TMEM230: variants seen among roughly 807,000 people sequenced by gnomAD.
TMEM230 encodes UPF0414 transmembrane protein C20orf30.
Under a neutral mutation model 15.8 loss-of-function variants are expected in TMEM230, and 10 were observed. The observed-to-expected ratio is 0.63, with a 90% CI of 0.39 to 1.07. TMEM230 has a LOEUF of 1.07. TMEM230 is among the 50% of genes least tolerant of loss of function. TMEM230 has a pLI of 0.01. For missense variants in TMEM230, 165 were observed against 193.3 expected (o/e 0.85, Z 0.87); for synonymous variants, 67 against 76.9 (o/e 0.87, Z 0.68).
At chr20:5,065,476 G>C (rs1187433900), downstream of TMEM230, among the ~76,000 whole-genome samples, 1 of 152,174 alleles carries the variant, frequency 6.6e-6, no homozygotes, top group Non-Finnish European at 1.5e-5. Flanking sequence ...AATGGTCCTT[G>C]TTGTTATGGG....
Position 5,090,863 on chromosome 20 carries a change from T to C in TMEM230, c.222+15325A>G, listed in dbSNP as rs191517683. Among the ~76,000 whole-genome samples, 17 of 152,236 alleles carry C rather than the reference T, an allele frequency of 1.1e-4. No individual in the cohort carries two copies. The East Asian group carries it at 3.1e-3, about 28-fold the overall frequency. On this transcript the variant is annotated intron_variant, in intron 3 of 3. Transcript: ENST00000612323. Reference sequence around the variant, plus strand: ...ATTGATAAGGCCTAATACTGAACAATTGTGAAATGGTAATAAAAATATTTC... The same window carrying C: ...ATTGATAAGGCCTAATACTGAACAACTGTGAAATGGTAATAAAAATATTTC...
chr20:5,079,727 A>G (rs1332129095), intron 3 of TMEM230, among the ~76,000 whole-genome samples: 8 of 151,472 alleles, frequency 5.3e-5, no homozygotes, highest in Non-Finnish European at 1.2e-4. Context: ...AAAAAAGAAG[A>G]AAAAAAAATT....
downstream of TMEM230, among the ~76,000 whole-genome samples, chr20:5,099,132 A>G (rs1175314661): frequency 4.6e-5 from 7 of 152,084 alleles, no homozygotes; most frequent in Admixed American, 4.6e-4. Flanking sequence ...TCAAGGCTGC[A>G]GTGAGAAATG....
At chr20:5,106,158 C>T (rs2090080899) in intron 4 of TMEM230, 30 bp downstream of exon 3, 1 of 1,597,826 alleles carries the variant, frequency 6.3e-7, no homozygotes, top group Admixed American at 1.8e-5. Flanking sequence ...AAAAATCTCA[C>T]AACTTATTCC....
chr20:5,086,493 C>G (rs1399143792), intron 3 of TMEM230, among the ~76,000 whole-genome samples: 1 of 135,496 alleles, frequency 7.4e-6, no homozygotes, highest in Non-Finnish European at 1.5e-5. Flanking sequence ...AAGACGAGAT[C>G]ACGCCACTGC....
intron 3 of TMEM230, among the ~76,000 whole-genome samples, chr20:5,089,013 A>G (rs552882150): frequency 6.6e-6 from 1 of 152,362 alleles, no homozygotes; most frequent in South Asian, 2.1e-4. Context: ...TAAAAATGTT[A>G]TGGTCACGAA....
chr20:5,098,252 G>A (rs968839229), downstream of TMEM230: 1 of 152,196 alleles, frequency 6.6e-6, no homozygotes. Context: ...GGGGATTACA[G>A]GCATGAGCCA....
At chr20:5,072,477 A>G (rs1378422986) in intron 3 of TMEM230, among the ~76,000 whole-genome samples, 1 of 152,030 alleles carries the variant, frequency 6.6e-6, no homozygotes, top group Non-Finnish European at 1.5e-5. Context: ...GCATCTTTCT[A>G]CCTGGAGCTG....
Position 5,100,837 on chromosome 20 carries a change from C to G in TMEM230, c.506G>C (p.Gly169Ala). The change falls in exon 5 of 5, where the codon GGC becomes GCC. Residue 169 changes from glycine to alanine, a missense_variant. Physicochemically the swap from Gly to Ala is moderately conservative, Grantham distance 60 (BLOSUM62 0). Transcript: ENST00000342308. ...GTCATCATAGGAGTAACCACGGTAG[C>G]CTTTGGATGCATAGTAAGCGATGCG... 2 of 1,614,104 alleles carry G rather than the reference C, an allele frequency of 1.2e-6. No individual in the cohort carries two copies. Among genetic ancestry groups the G allele is most frequent in the Non-Finnish European group, 8.5e-7 (1 of 1,180,020 alleles).
chr20:5,107,353 TTA>T (rs1402066823), intron 3 of TMEM230, among the ~76,000 whole-genome samples: 1 of 151,924 alleles, frequency 6.6e-6, no homozygotes, highest in African/African-American at 2.4e-5. Flanking sequence ...ACTAGATACT[TTA>T]TGTGTCTTAA....
At chr20:5,098,386 T>C (rs933104604), downstream of TMEM230, 2 of 152,152 alleles carry the variant, frequency 1.3e-5, no homozygotes, top group Admixed American at 6.5e-5. Flanking sequence ...TTTAGATCTT[T>C]TCTCCCGTCC....
chr20:5,078,179 C>T (rs759666145), intron 3 of TMEM230, among the ~76,000 whole-genome samples: 1 of 151,068 alleles, frequency 6.6e-6, no homozygotes. Flanking sequence ...CCTGTGTAGA[C>T]GCCCAGGGAC....
chr20:5,061,947 G>C, the TMEM230 span, among the ~76,000 whole-genome samples: 1 of 152,162 alleles, frequency 6.6e-6, no homozygotes, highest in Admixed American at 6.6e-5. Context: ...TAGGCCAGGC[G>C]TGGTGGCTCA....
chr20:5,060,478 G>A, the TMEM230 span, among the ~76,000 whole-genome samples: 1 of 151,548 alleles, frequency 6.6e-6, no homozygotes, highest in African/African-American at 2.4e-5. Context: ...CTGGGATTAC[G>A]GGAATAGACC....
chr20:5,066,834 T>C (rs1474497831), downstream of TMEM230, among the ~76,000 whole-genome samples: 1 of 152,034 alleles, frequency 6.6e-6, no homozygotes. Flanking sequence ...CAGGAGGGTG[T>C]TCATCCCCTC....
At chr20:5,086,309 G>A (rs1199188833) in intron 3 of TMEM230, among the ~76,000 whole-genome samples, 1 of 151,334 alleles carries the variant, frequency 6.6e-6, no homozygotes, top group African/African-American at 2.4e-5. Flanking sequence ...AGGCTGAGGC[G>A]GGTGGATCAC....
intron 1 of TMEM230, 33 bp downstream of exon 1, chr20:5,112,928 T>C: frequency 6.5e-7 from 1 of 1,549,296 alleles, no homozygotes; most frequent in Non-Finnish European, 8.7e-7. Flanking sequence ...GAGAGGACGG[T>C]TCTGTCCCCG....
chr20:5,067,999 C>T (rs2088704643), downstream of TMEM230: 1 of 152,184 alleles, frequency 6.6e-6, no homozygotes, highest in Admixed American at 6.6e-5. Context: ...TTCCTGGGCT[C>T]AAGCAATCTG....
intron 3 of TMEM230, among the ~76,000 whole-genome samples, chr20:5,085,656 C>T (rs2089313722): frequency 6.6e-6 from 1 of 152,072 alleles, no homozygotes; most frequent in Non-Finnish European, 1.5e-5. Context: ...TCTCTGGTGT[C>T]AGGAGTTGTG....
Sources: allele counts gnomAD v4.1 joint callset (sites outside exome capture counted in the v4.1 genomes callset), GRCh38; gene constraint gnomAD v4.1.1; transcripts MANE v1.5; gene names NCBI Gene and HGNC (gene_info 2026-07-23, HGNC 2026-07-21).